NCKAP5: variants seen among roughly 807,000 people sequenced by gnomAD.
NCKAP5 encodes the protein NCK associated protein 5.
NCKAP5 carries 92 observed loss-of-function variants against 167.0 expected under a neutral mutation model. That is an observed-to-expected ratio of 0.55 (90% CI 0.47 to 0.66). The LOEUF is 0.66. Among genes scored for constraint, NCKAP5 ranks in the 30% least tolerant of loss-of-function variants. The pLI is 0.00. For missense variants in NCKAP5, 2,378 were observed against 2,315.0 expected (o/e 1.03, Z -0.56); for synonymous variants, 891 against 877.4 (o/e 1.02, Z -0.27).
chr2:132,838,927 G>A (rs1006840403), intron 11 of NCKAP5, among the ~76,000 whole-genome samples: 2 of 152,134 alleles, frequency 1.3e-5, no homozygotes, highest in African/African-American at 4.8e-5. Context: ...GAGATATTTA[G>A]TTGTTACATA....
intron 8 of NCKAP5, among the ~76,000 whole-genome samples, chr2:132,938,643 C>T (rs1697035562): frequency 6.6e-6 from 1 of 152,136 alleles, no homozygotes; most frequent in South Asian, 2.1e-4. Flanking sequence ...AGGAAAATGG[C>T]CAAATGCTTC....
chr2:133,143,094 G>GTT (rs11330950), intron 5 of NCKAP5, among the ~76,000 whole-genome samples: 79 of 148,674 alleles, frequency 5.3e-4, no homozygotes, highest in Middle Eastern at 3.4e-3. Context: ...TTAAAAACGT[G>GTT]TTTTTTTTTT....
At chr2:133,284,229 T>C (rs2090027484) in intron 4 of NCKAP5, among the ~76,000 whole-genome samples, 1 of 152,070 alleles carries the variant, frequency 6.6e-6, no homozygotes, top group African/African-American at 2.4e-5. Context: ...ACCCCTAAAA[T>C]GTCTAATTGA....
At chr2:132,939,955 G>T (rs1336430036) in intron 8 of NCKAP5, among the ~76,000 whole-genome samples, 15 of 152,092 alleles carry the variant, frequency 9.9e-5, no homozygotes, top group Non-Finnish European at 1.5e-5. Context: ...AGCTGAGATT[G>T]CACCACTGCA....
intron 3 of NCKAP5, among the ~76,000 whole-genome samples, chr2:133,481,084 C>T (rs1680382405): frequency 6.6e-6 from 1 of 152,192 alleles, no homozygotes; most frequent in African/African-American, 2.4e-5. Flanking sequence ...AAGTTCTGTA[C>T]ACATACTAAT....
chr2:132,851,715 C>A (rs958074673), intron 11 of NCKAP5, among the ~76,000 whole-genome samples: 12 of 152,184 alleles, frequency 7.9e-5, no homozygotes, highest in African/African-American at 2.9e-4. Flanking sequence ...AGACATCCTT[C>A]CTTCCTGCAG....
chr2:133,603,287 C>A, the NCKAP5 span, among the ~76,000 whole-genome samples: 1 of 146,222 alleles, frequency 6.8e-6, no homozygotes, highest in Non-Finnish European at 1.5e-5. Context: ...AGTGCGATGG[C>A]GCAATCTCAA....
At chr2:132,711,460 C>T (rs935020285) in intron 19 of NCKAP5, among the ~76,000 whole-genome samples, 5 of 152,106 alleles carry the variant, frequency 3.3e-5, no homozygotes, top group African/African-American at 7.2e-5. Context: ...GGTGAGAATC[C>T]GAGGCACAGA....
the NCKAP5 span, among the ~76,000 whole-genome samples, chr2:133,673,711 G>A: frequency 6.6e-6 from 1 of 152,212 alleles, no homozygotes; most frequent in South Asian, 2.1e-4. Flanking sequence ...CAGGTAGCTT[G>A]GAGAATTTTG....
intron 4 of NCKAP5, among the ~76,000 whole-genome samples, chr2:133,248,906 G>T (rs931805914): frequency 6.6e-6 from 1 of 152,108 alleles, no homozygotes; most frequent in African/African-American, 2.4e-5. Flanking sequence ...AAAATCATCT[G>T]CTCCTCACTA....
At chr2:133,433,314 T>C (rs1690276075) in intron 3 of NCKAP5, among the ~76,000 whole-genome samples, 1 of 152,184 alleles carries the variant, frequency 6.6e-6, no homozygotes, top group South Asian at 2.1e-4. Flanking sequence ...CATAGATACT[T>C]GGAGAAACTT....
At chr2:133,108,470 A>T (rs2149707181) in intron 6 of NCKAP5, among the ~76,000 whole-genome samples, 1 of 152,342 alleles carries the variant, frequency 6.6e-6, no homozygotes, top group Non-Finnish European at 1.5e-5. Flanking sequence ...AATCAAGTTG[A>T]ATGAATAAAT....
chr2:133,473,488 G>A (rs1467641397), intron 3 of NCKAP5, among the ~76,000 whole-genome samples: 3 of 152,204 alleles, frequency 2.0e-5, no homozygotes, highest in Non-Finnish European at 1.5e-5. Context: ...ATGGGGTTGT[G>A]AGGAGATGGA....
chr2:133,076,633 C>T (rs1219553753), intron 6 of NCKAP5, among the ~76,000 whole-genome samples: 1 of 152,190 alleles, frequency 6.6e-6, no homozygotes, highest in Non-Finnish European at 1.5e-5. Context: ...TAGAGGTGGG[C>T]AGCCCCAGGC....
At chr2:132,936,881 G>C (rs888783078) in intron 8 of NCKAP5, among the ~76,000 whole-genome samples, 3 of 152,142 alleles carry the variant, frequency 2.0e-5, no homozygotes, top group African/African-American at 7.2e-5. Flanking sequence ...AATGAAATGA[G>C]GGTTTGTGTG....
chr2:133,569,188 T>C (rs557011256), upstream of NCKAP5, among the ~76,000 whole-genome samples: 25 of 151,896 alleles, frequency 1.6e-4, no homozygotes, highest in African/African-American at 6.0e-4. Flanking sequence ...ACTATCAAAA[T>C]AAAAGTGGGC....
chr2:133,633,741 G>A, the NCKAP5 span, among the ~76,000 whole-genome samples: 1 of 152,202 alleles, frequency 6.6e-6, no homozygotes, highest in African/African-American at 2.4e-5. Context: ...AAGGGGCATA[G>A]GGCTGAGGGG....
intron 6 of NCKAP5, among the ~76,000 whole-genome samples, chr2:133,025,283 C>T (rs1240375737): frequency 2.0e-5 from 3 of 152,264 alleles, no homozygotes; most frequent in South Asian, 2.1e-4. Flanking sequence ...TGACTAAATG[C>T]TAGTTGATAC....
At chr2:133,464,903 T>C (rs749752637) in intron 3 of NCKAP5, among the ~76,000 whole-genome samples, 22 of 151,840 alleles carry the variant, frequency 1.4e-4, no homozygotes, top group Non-Finnish European at 2.8e-4. Flanking sequence ...TCGGTGAAGC[T>C]TGATGTTTCC....
Sources: gnomAD v4.1 joint callset for allele counts (sites outside exome capture counted in the v4.1 genomes callset) on GRCh38, gnomAD v4.1.1 for gene constraint, MANE v1.5 for transcripts, NCBI Gene and HGNC (gene_info 2026-07-23, HGNC 2026-07-21) for gene names.